The following MAF variants were observed in gnomAD, a reference collection of about 807,000 sequenced individuals.
MAF encodes transcription factor Maf.
MAF carries 10 observed loss-of-function variants against 22.0 expected under a neutral mutation model. That is an observed-to-expected ratio of 0.45 (90% confidence interval 0.28 to 0.77). The LOEUF (loss-of-function observed/expected upper bound fraction) is 0.77, where lower values mean the gene tolerates loss of function less well. MAF is among the 30% of genes least tolerant of loss of function. The pLI, the probability that MAF is intolerant of heterozygous loss-of-function variation, is 0.12. For synonymous variants in MAF, 337 were observed against 255.8 expected (o/e 1.32, Z -3.03); for missense variants, 544 against 548.4 (o/e 0.99, Z 0.08).
At position 79,594,385 on chromosome 16, in the gene MAF, G is replaced by T; in HGVS notation, c.*75C>A. The T allele has an allele frequency of 7.8e-7, 1 of 1,281,128 alleles. No individual in the cohort carries two copies. The highest frequency in any genetic ancestry group is 1.1e-6 in the Non-Finnish European group (1 of 901,644). 79.4% of individuals were successfully genotyped at this position (1,281,128 alleles called of 1,614,324 possible). A position where few individuals can be genotyped will look rare whatever the true frequency, so the allele number is the denominator to read the frequency against. On this transcript the variant is annotated 3_prime_UTR_variant, in exon 2 of 2. Transcript: ENST00000326043. ...AAAAGGAGACTAAACAGAAGTCAGG[G>T]GTAGGTGGTTCTCCATGACTGCAAA...
chr16:79,433,267 T>TA, the MAF span, among the ~76,000 whole-genome samples: 10,192 of 138,780 alleles, frequency 0.073, 575 homozygotes, highest in East Asian at 0.26. Flanking sequence ...ATAAGACAAG[T>TA]AAAAAAAAAA....
At chr16:79,597,248 C>G in intron 1 of MAF, 6 of 1,048,782 alleles carry the variant, frequency 5.7e-6, no homozygotes, top group Non-Finnish European at 6.9e-6. Context: ...CTATAACATT[C>G]CTTTATCTGT....
At chr16:79,219,112 G>C in the MAF span, among the ~76,000 whole-genome samples, 1 of 152,174 alleles carries the variant, frequency 6.6e-6, no homozygotes, top group African/African-American at 2.4e-5. Flanking sequence ...AGGCGTGAGA[G>C]AATAAAAGCT....
At chr16:79,502,563 G>C in the MAF span, among the ~76,000 whole-genome samples, 1 of 151,594 alleles carries the variant, frequency 6.6e-6, no homozygotes, top group African/African-American at 2.4e-5. Flanking sequence ...CTACTCAGGA[G>C]GCTGGGGTGA....
the MAF span, among the ~76,000 whole-genome samples, chr16:79,230,888 A>T: frequency 6.6e-6 from 1 of 152,046 alleles, no homozygotes; most frequent in Non-Finnish European, 1.5e-5. Context: ...CCCGCTCAGT[A>T]ATTCTTTTTC....
Position 79,598,811 on chromosome 16 carries a change from G to A in MAF, c.1092C>T (p.Asp364=). 1.2e-6 allele frequency: 2 copies of A among 1,613,810 alleles called. No individual in the cohort carries two copies. The highest frequency in any genetic ancestry group is 8.5e-7 in the Non-Finnish European group (1 of 1,179,994). ...SGFRENGSSS[D]NPSSPEFFIT... ...TGAAAAACTCGGGAGAGGACGGGTT[G>A]TCGCTGCTCGAGCCGTTTTCTCGGA... Residue 364 remains aspartate, a synonymous_variant, in exon 1 of 2, where the codon GAC becomes GAT. Transcript: ENST00000326043.
the MAF span, among the ~76,000 whole-genome samples, chr16:79,281,887 C>G: frequency 2.0e-4 from 30 of 152,078 alleles, no homozygotes; most frequent in African/African-American, 7.0e-4. Flanking sequence ...AATTGTAGAA[C>G]CCTGCATTTC....
At chr16:79,423,485 A>T in the MAF span, among the ~76,000 whole-genome samples, 1 of 151,846 alleles carries the variant, frequency 6.6e-6, no homozygotes. Context: ...CCAAATCATG[A>T]ATGGCAGCAA....
the MAF span, among the ~76,000 whole-genome samples, chr16:79,280,843 A>C: frequency 6.6e-6 from 1 of 152,334 alleles, no homozygotes; most frequent in South Asian, 2.1e-4. Flanking sequence ...CAGCGTGGGA[A>C]CATTTTAAAG....
At chr16:79,218,447 C>G in the MAF span, among the ~76,000 whole-genome samples, 2 of 152,302 alleles carry the variant, frequency 1.3e-5, no homozygotes, top group East Asian at 3.9e-4. Context: ...CCTCAGCATA[C>G]CTTTGTAGAG....
At chr16:79,560,101 G>T in the MAF span, among the ~76,000 whole-genome samples, 1 of 151,982 alleles carries the variant, frequency 6.6e-6, no homozygotes, top group Non-Finnish European at 1.5e-5. Context: ...TGTAGAGATG[G>T]GGTCTTGCTA....
chr16:79,410,379 G>A, the MAF span, among the ~76,000 whole-genome samples: 1 of 152,214 alleles, frequency 6.6e-6, no homozygotes, highest in Non-Finnish European at 1.5e-5. Flanking sequence ...ATAGCCACAT[G>A]CCATTAGTGG....
chr16:79,508,413 C>T, the MAF span, among the ~76,000 whole-genome samples: 6 of 152,302 alleles, frequency 3.9e-5, no homozygotes, highest in East Asian at 9.7e-4. Context: ...GGGCCTCTCT[C>T]CTCCTGGGTG....
chr16:79,427,720 G>A, the MAF span, among the ~76,000 whole-genome samples: 1 of 151,924 alleles, frequency 6.6e-6, no homozygotes, highest in Admixed American at 6.6e-5. Context: ...CCCTGTACTG[G>A]CCCAGTATTC....
chr16:79,406,643 A>C, the MAF span, among the ~76,000 whole-genome samples: 1 of 151,990 alleles, frequency 6.6e-6, no homozygotes, highest in South Asian at 2.1e-4. Flanking sequence ...ACATTGGGGG[A>C]TAGGATTTCA....
At chr16:79,217,163 T>C in the MAF span, among the ~76,000 whole-genome samples, 11 of 152,222 alleles carry the variant, frequency 7.2e-5, no homozygotes, top group African/African-American at 2.4e-4. Context: ...TCTGTGCCAG[T>C]TGATGGGTTA....
At chr16:79,400,939 G>A in the MAF span, among the ~76,000 whole-genome samples, 1 of 152,264 alleles carries the variant, frequency 6.6e-6, no homozygotes, top group African/African-American at 2.4e-5. Flanking sequence ...GCCTGTCACA[G>A]GGAGAGGCAT....
chr16:79,507,717 G>A, the MAF span, among the ~76,000 whole-genome samples: 1 of 152,158 alleles, frequency 6.6e-6, no homozygotes, highest in Non-Finnish European at 1.5e-5. Flanking sequence ...GAGCCACCGC[G>A]CCCGGCCGCA....
chr16:79,277,808 T>G, the MAF span, among the ~76,000 whole-genome samples: 11 of 152,146 alleles, frequency 7.2e-5, no homozygotes, highest in Admixed American at 7.2e-4. Flanking sequence ...CCCAAGCCAA[T>G]AATTTGGAAG....
Sources: allele counts gnomAD v4.1 joint callset (sites outside exome capture counted in the v4.1 genomes callset), GRCh38; gene constraint gnomAD v4.1.1; transcripts MANE v1.5; gene names NCBI Gene and HGNC (gene_info 2026-07-23, HGNC 2026-07-21).